AK9: variants seen among roughly 807,000 people sequenced by gnomAD.
AK9 encodes adenylate kinase 9.
A neutral mutation model predicts 239.6 loss-of-function variants in AK9; 191 were observed. The ratio of observed to expected loss-of-function variants is 0.80; its 90% CI spans 0.71 to 0.90. The LOEUF (loss-of-function observed/expected upper bound fraction) is 0.90. Among genes scored for constraint, AK9 ranks in the 40% least tolerant of loss-of-function variants. The pLI, the probability that AK9 is intolerant of heterozygous loss-of-function variation, is 0.00. For missense variants in AK9, 1,995 were observed against 2,214.7 expected (o/e 0.90, Z 1.99); for synonymous variants, 689 against 721.0 (o/e 0.96, Z 0.71).
intron 5 of AK9, among the ~76,000 whole-genome samples, chr6:109,664,299 C>T (rs897425768): frequency 2.0e-5 from 3 of 152,074 alleles, no homozygotes; most frequent in Admixed American, 2.0e-4. Flanking sequence ...TAATGCAATG[C>T]CTAGAATAGC....
chr6:109,659,067 C>T (rs1226769557), intron 7 of AK9, among the ~76,000 whole-genome samples, 161 bp downstream of exon 7: 3 of 152,002 alleles, frequency 2.0e-5, no homozygotes, highest in Non-Finnish European at 4.4e-5. Flanking sequence ...TCTCATAATC[C>T]TTGAAAACAT....
At chr6:109,608,432 A>G (rs80064564) in intron 17 of AK9, among the ~76,000 whole-genome samples, 3,856 of 152,218 alleles carry the variant, frequency 0.025, 91 homozygotes, top group East Asian at 0.11. Flanking sequence ...GGCCTTTTCA[A>G]TAAGTGGTGT....
chr6:109,603,442 C>G (rs1034906209), intron 17 of AK9, among the ~76,000 whole-genome samples: 6 of 152,294 alleles, frequency 3.9e-5, no homozygotes, highest in Non-Finnish European at 8.8e-5. Flanking sequence ...AGCTTCGTCT[C>G]AGAGGGGTAC....
intron 19 of AK9, among the ~76,000 whole-genome samples, chr6:109,583,020 A>G (rs1253738089): frequency 2.0e-5 from 3 of 152,198 alleles, no homozygotes; most frequent in African/African-American, 7.2e-5. Flanking sequence ...AGGTATATAC[A>G]TTTTTAGACA....
chr6:109,675,177 G>A (rs905484479), intron 2 of AK9, among the ~76,000 whole-genome samples: 1 of 152,072 alleles, frequency 6.6e-6, no homozygotes, highest in Non-Finnish European at 1.5e-5. Flanking sequence ...AATTGCATAG[G>A]AAGTTTCATA....
chr6:109,638,726 T>TA (rs1326045101), intron 10 of AK9, among the ~76,000 whole-genome samples: 2 of 152,214 alleles, frequency 1.3e-5, no homozygotes, highest in Non-Finnish European at 2.9e-5. Context: ...TAGGTATACA[T>TA]ATGCCATGGT....
chr6:109,575,837 T>C (rs1490037847), intron 20 of AK9, among the ~76,000 whole-genome samples: 2 of 151,806 alleles, frequency 1.3e-5, no homozygotes, highest in African/African-American at 2.4e-5. Flanking sequence ...AGTTGATTTC[T>C]GAATAAGGTG....
chr6:109,612,106 C>T lies in AK9; in HGVS notation c.1610-13G>A. ...GTTTCTTTTCCATCTGTGAATAAAA[C>T]ATTGTGAATGCCTAAAGAACGGTAT... On this transcript the variant is annotated splice_polypyrimidine_tract_variant and intron_variant, in intron 15 of 40. Transcript: ENST00000424296. The T allele has an allele frequency of 6.7e-7, 1 of 1,483,624 alleles. No individual in the cohort carries two copies. The highest frequency in any genetic ancestry group is 9.1e-7 in the Non-Finnish European group (1 of 1,097,772). 91.9% of individuals were successfully genotyped at this position (1,483,624 alleles called of 1,614,324 possible).
intron 1 of AK9, among the ~76,000 whole-genome samples, chr6:109,682,695 C>T (rs1440324822): frequency 6.6e-6 from 1 of 152,006 alleles, no homozygotes; most frequent in Non-Finnish European, 1.5e-5. Context: ...CAAGTCTAAA[C>T]CAGGAAAAAT....
chr6:109,545,762 C>A (rs1783471329), intron 26 of AK9, 105 bp downstream of exon 26: 1 of 1,376,208 alleles, frequency 7.3e-7, no homozygotes, highest in African/African-American at 1.5e-5. Flanking sequence ...GTGATTGTGC[C>A]ACTGCCTTCC....
At chr6:109,622,393 TATA>T (rs1302688071) in intron 12 of AK9, among the ~76,000 whole-genome samples, 27 of 142,696 alleles carry the variant, frequency 1.9e-4, no homozygotes, top group African/African-American at 4.0e-4. Flanking sequence ...ATACTATGTA[TATA>T]ATAATATGTA....
At chr6:109,549,659 A>ATTTTTTTTTTTTTTT (rs1562391021) in intron 25 of AK9, 1 of 110,330 alleles carries the variant, frequency 9.1e-6, no homozygotes, top group African/African-American at 3.1e-5. Flanking sequence ...GAACTTAGAT[A>ATTTTTTTTTTTTTTT]TTTTCTTTTT....
At chr6:109,495,273 A>T in intron 39 of AK9, 65 bp downstream of exon 39, 1 of 1,233,902 alleles carries the variant, frequency 8.1e-7, no homozygotes, top group Non-Finnish European at 1.1e-6. Flanking sequence ...AATGAAAATT[A>T]GTGTTAAAAA....
intron 2 of AK9, among the ~76,000 whole-genome samples, chr6:109,674,662 T>C (rs768123262): frequency 1.1e-4 from 17 of 152,302 alleles, no homozygotes; most frequent in Non-Finnish European, 2.2e-4. Context: ...TTTAGTAATT[T>C]TGATGAGCAA....
chr6:109,653,684 T>TTC, intron 8 of AK9, among the ~76,000 whole-genome samples: 1 of 150,112 alleles, frequency 6.7e-6, no homozygotes. Flanking sequence ...TTTTTTTTTT[T>TTC]TCTCTCTCTT....
At chr6:109,655,222 C>T (rs1799519786) in intron 8 of AK9, among the ~76,000 whole-genome samples, 1 of 152,124 alleles carries the variant, frequency 6.6e-6, no homozygotes. Context: ...GGAATTCTTA[C>T]TACCTGTTCA....
intron 1 of AK9, among the ~76,000 whole-genome samples, chr6:109,688,882 C>A (rs1303149751): frequency 6.6e-6 from 1 of 152,068 alleles, no homozygotes; most frequent in Non-Finnish European, 1.5e-5. Context: ...GTGGTATGGC[C>A]ATAAACTGCT....
chr6:109,548,996 G>A (rs1783967445), intron 25 of AK9, among the ~76,000 whole-genome samples: 1 of 152,118 alleles, frequency 6.6e-6, no homozygotes, highest in African/African-American at 2.4e-5. Flanking sequence ...TCCTTGTTAA[G>A]CTTCTGGAGG....
intron 24 of AK9, among the ~76,000 whole-genome samples, chr6:109,560,844 T>C (rs1362910971): frequency 2.0e-5 from 3 of 152,224 alleles, no homozygotes. Context: ...TAGAATTGGT[T>C]TTCTTTCTTT....
Sources: gnomAD v4.1 joint callset for allele counts (sites outside exome capture counted in the v4.1 genomes callset) on GRCh38, gnomAD v4.1.1 for gene constraint, MANE v1.5 for transcripts, NCBI Gene and HGNC (gene_info 2026-07-23, HGNC 2026-07-21) for gene names.